The following CYRIB variants were observed in gnomAD, a reference collection of about 807,000 sequenced individuals.
The protein encoded by CYRIB is CYFIP related Rac1 interactor B, also known as CYFIP-related Rac1 interactor B.
A neutral mutation model predicts 44.2 loss-of-function variants in CYRIB; 8 were observed. The ratio of observed to expected loss-of-function variants is 0.18; its 90% CI spans 0.11 to 0.33. The LOEUF (loss-of-function observed/expected upper bound fraction) is 0.33. Ranked by LOEUF, CYRIB falls within the 10% of genes least tolerant of loss-of-function variation. The pLI is 1.00. For synonymous variants in CYRIB, 131 were observed against 127.2 expected (o/e 1.03, Z -0.20); for missense variants, 185 against 382.8 (o/e 0.48, Z 4.31).
At chr8:130,006,221 T>A (rs187294783) in intron 1 of CYRIB, among the ~76,000 whole-genome samples, 1 of 152,146 alleles carries the variant, frequency 6.6e-6, no homozygotes, top group Non-Finnish European at 1.5e-5. Flanking sequence ...GAGAATCGCT[T>A]GAACCCAGGA....
At chr8:129,843,020 A>G (rs753753467) in intron 11 of CYRIB, among the ~76,000 whole-genome samples, 3 of 152,292 alleles carry the variant, frequency 2.0e-5, no homozygotes, top group Non-Finnish European at 2.9e-5. Context: ...AGTGATTATT[A>G]TAAAGATTCA....
chr8:129,841,824 A>G, exon 12 of CYRIB: 1 of 221,012 alleles, frequency 4.5e-6, no homozygotes, highest in Non-Finnish European at 8.9e-6. Context: ...ATTAAATATT[A>G]GTTTCAAAAA....
At chr8:129,859,672 T>C (rs56193586) in intron 5 of CYRIB, among the ~76,000 whole-genome samples, 9,404 of 152,288 alleles carry the variant, frequency 0.062, 510 homozygotes, top group East Asian at 0.27. Context: ...CTCCTCACTA[T>C]GTCCCCTCAG....
chr8:129,980,227 CAAAA>C (rs58630436), intron 1 of CYRIB, among the ~76,000 whole-genome samples: 4 of 91,776 alleles, frequency 4.4e-5, no homozygotes, highest in Non-Finnish European at 4.6e-5. Context: ...GACTCCATCT[CAAAA>C]AAAAAAAAAA....
intron 1 of CYRIB, among the ~76,000 whole-genome samples, chr8:129,923,066 T>TAAA (rs771693266): frequency 7.6e-5 from 7 of 92,490 alleles, no homozygotes; most frequent in African/African-American, 2.8e-4. Flanking sequence ...CCGTCTCTAC[T>TAAA]AAAAAAAAAA....
chr8:129,928,558 G>A (rs2089414744), intron 1 of CYRIB, among the ~76,000 whole-genome samples: 1 of 151,970 alleles, frequency 6.6e-6, no homozygotes, highest in Non-Finnish European at 1.5e-5. Context: ...CCTTTGGGAG[G>A]CTGAAGCAGG....
intron 1 of CYRIB, among the ~76,000 whole-genome samples, chr8:130,009,578 A>G (rs2097176861): frequency 6.6e-6 from 1 of 152,020 alleles, no homozygotes; most frequent in African/African-American, 2.4e-5. Context: ...CAAAAGCATC[A>G]TGAAAAACTG....
intron 2 of CYRIB, among the ~76,000 whole-genome samples, chr8:129,882,967 G>C (rs1162751236): frequency 1.3e-5 from 2 of 151,844 alleles, no homozygotes; most frequent in Non-Finnish European, 2.9e-5. Context: ...GGATGCCAAG[G>C]TGGGTAGATC....
intron 1 of CYRIB, among the ~76,000 whole-genome samples, chr8:130,003,577 G>A (rs2096958891): frequency 6.6e-6 from 1 of 152,228 alleles, no homozygotes; most frequent in Non-Finnish European, 1.5e-5. Context: ...CCTGCTGAAT[G>A]AGAGATCCAT....
At chr8:130,002,548 G>A (rs1209525379) in intron 1 of CYRIB, among the ~76,000 whole-genome samples, 2 of 152,148 alleles carry the variant, frequency 1.3e-5, no homozygotes, top group African/African-American at 4.8e-5. Context: ...AGAAAAAAAC[G>A]TGAAAATGAG....
rs551704464 is a variant in CYRIB, at chr8:129,917,579, C to A, written c.-49-14229G>T. Among the ~76,000 whole-genome samples, 4 of 152,214 alleles carry A rather than the reference C, an allele frequency of 2.6e-5. No homozygotes were observed. The South Asian group carries it at 8.3e-4, about 32-fold the overall frequency. On this transcript the variant is annotated intron_variant, in intron 1 of 11. Transcript: ENST00000519824. ...CAAGATTTCTCTTAAATATCTTGGC[C>A]AGGTGCAGTGGCTCAAGGCCTGTAA...
At chr8:129,851,246 T>TGGGAACATTTTACATGGAGGAGGGA (rs2043088721) in intron 8 of CYRIB, 3 of 237,186 alleles carry the variant, frequency 1.3e-5, no homozygotes, top group African/African-American at 7.0e-5. Context: ...AGGAAGTCAC[T>TGGGAACATTTTACATGGAGGAGGGA]GGGAACATTT....
chr8:129,867,058 A>G (rs1243621786), intron 4 of CYRIB, among the ~76,000 whole-genome samples: 1 of 152,182 alleles, frequency 6.6e-6, no homozygotes, highest in Non-Finnish European at 1.5e-5. Flanking sequence ...GGACGCTGAG[A>G]CAGAAGGATC....
intron 2 of CYRIB, among the ~76,000 whole-genome samples, chr8:129,891,996 T>C (rs79807687): frequency 0.017 from 2,534 of 152,280 alleles, 63 homozygotes; most frequent in African/African-American, 0.053. Context: ...TCTTTGAATC[T>C]GATTCAAAGA....
intron 1 of CYRIB, among the ~76,000 whole-genome samples, chr8:129,936,793 G>A (rs934644465): frequency 7.0e-6 from 1 of 141,982 alleles, no homozygotes; most frequent in Non-Finnish European, 1.5e-5. Flanking sequence ...TGCAAGCTCC[G>A]CCTCCCGGGT....
intron 5 of CYRIB, among the ~76,000 whole-genome samples, chr8:129,858,911 C>CAGAACAAGCA (rs1346225238): frequency 1.3e-5 from 2 of 152,194 alleles, no homozygotes; most frequent in Non-Finnish European, 2.9e-5. Context: ...GGCAAGTTTA[C>CAGAACAAGCA]TGTAGGGTCC....
At chr8:129,959,083 A>C (rs367905864) in intron 2 of CYRIB, among the ~76,000 whole-genome samples, 327 of 143,868 alleles carry the variant, frequency 2.3e-3, no homozygotes, top group African/African-American at 8.5e-3. Flanking sequence ...AAAAAAAAAA[A>C]ACAAAGGCAG....
intron 10 of CYRIB, 102 bp from the exon 13 acceptor site, chr8:129,846,976 A>G (rs1563984298): frequency 1.6e-6 from 1 of 638,866 alleles, no homozygotes; most frequent in African/African-American, 1.9e-5. Flanking sequence ...ATGGAACTCA[A>G]GAGATTACAT....
chr8:130,015,066 T>C (rs979705331), intron 1 of CYRIB, among the ~76,000 whole-genome samples: 1 of 152,194 alleles, frequency 6.6e-6, no homozygotes, highest in Non-Finnish European at 1.5e-5. Context: ...GTTTAAGCCC[T>C]TTTTCACAAG....
Sources: gnomAD v4.1 joint callset for allele counts (sites outside exome capture counted in the v4.1 genomes callset) on GRCh38, gnomAD v4.1.1 for gene constraint, MANE v1.5 for transcripts, NCBI Gene and HGNC (gene_info 2026-07-23, HGNC 2026-07-21) for gene names.